Variants in FAAH2 observed in about 807,000 individuals in gnomAD.
FAAH2 encodes fatty acid amide hydrolase 2, also known as fatty-acid amide hydrolase 2.
A neutral mutation model predicts 36.9 loss-of-function variants in FAAH2; 60 were observed. The ratio of observed to expected loss-of-function variants is 1.63; its 90% CI spans 1.32 to 2.02. FAAH2 has a LOEUF of 2.02. Ranked by LOEUF, FAAH2 falls within the 30% of genes most tolerant of loss-of-function variation. The pLI, the probability that FAAH2 is intolerant of heterozygous loss-of-function variation, is 0.00. For synonymous variants in FAAH2, 214 were observed against 143.8 expected (o/e 1.49, Z -3.49); for missense variants, 689 against 397.5 (o/e 1.73, Z -6.23).
At chrX:57,265,088 C>T in the FAAH2 span, among the ~76,000 whole-genome samples, 1 of 111,462 alleles carries the variant, frequency 9.0e-6, no homozygotes. Flanking sequence ...CACACTTCTT[C>T]TATGGAGCTT....
the FAAH2 span, among the ~76,000 whole-genome samples, chrX:57,202,900 C>T: frequency 8.9e-6 from 1 of 111,843 alleles, no homozygotes; most frequent in Non-Finnish European, 1.9e-5. Context: ...ACTGAAAAGC[C>T]TCACCCCATC....
chrX:57,245,759 C>T, the FAAH2 span, among the ~76,000 whole-genome samples: 1 of 112,101 alleles, frequency 8.9e-6, no homozygotes, highest in Non-Finnish European at 1.9e-5. Flanking sequence ...CACTAAATGC[C>T]CACAAGAGAA....
chrX:57,372,305 A>T (rs1241616529), intron 5 of FAAH2, among the ~76,000 whole-genome samples: 1 of 111,034 alleles, frequency 9.0e-6, no homozygotes, highest in Non-Finnish European at 1.9e-5. Context: ...TCCTGCCAGC[A>T]TCTGTAATTT....
intron 4 of FAAH2, among the ~76,000 whole-genome samples, chrX:57,336,658 A>G (rs1157290700): frequency 8.9e-6 from 1 of 112,140 alleles, no homozygotes; most frequent in Non-Finnish European, 1.9e-5. Context: ...TGGGTAAATA[A>G]TGAAATTAAC....
intron 10 of FAAH2, among the ~76,000 whole-genome samples, chrX:57,485,447 C>T (rs758718301): frequency 4.5e-5 from 5 of 111,387 alleles, no homozygotes; most frequent in Non-Finnish European, 7.5e-5. Context: ...AGTTGTGTGG[C>T]ATGCAGCAAA....
chrX:57,222,108 C>T, the FAAH2 span, among the ~76,000 whole-genome samples: 3 of 111,552 alleles, frequency 2.7e-5, no homozygotes, highest in African/African-American at 9.8e-5. Context: ...AACCTGAGAG[C>T]TCACAACCGA....
At chrX:57,323,513 A>G (rs1339450037) in intron 3 of FAAH2, among the ~76,000 whole-genome samples, 1 of 111,237 alleles carries the variant, frequency 9.0e-6, no homozygotes, top group Admixed American at 9.6e-5. Flanking sequence ...TGACTTTTTA[A>G]TGATTGCCTT....
At chrX:57,443,412 G>T (rs1444312350) in intron 8 of FAAH2, among the ~76,000 whole-genome samples, 5 of 111,975 alleles carry the variant, frequency 4.5e-5, no homozygotes, top group Admixed American at 9.5e-5. Context: ...GCTACTGAAG[G>T]TTGTGCATTC....
At position 57,344,844 on chromosome X, in the gene FAAH2, A is replaced by G. The variant is rs189354637; in HGVS notation, c.742+3454A>G. On this transcript the variant is annotated intron_variant, in intron 5 of 10. Coordinates refer to ENST00000374900, the MANE Select transcript of FAAH2 (RefSeq NM_174912.4). ...TCTTTCTGAATCTATTGAGATGATT[A>G]TATCTTTTTTTGTTTTAAATTCTGT... Among the ~76,000 whole-genome samples, 46 of 111,501 alleles carry G rather than the reference A, an allele frequency of 4.1e-4. No individual in the cohort carries two copies. The East Asian group carries it at 0.012, about 30-fold the overall frequency.
the FAAH2 span, among the ~76,000 whole-genome samples, chrX:57,237,807 AAAAC>A: frequency 9.0e-6 from 1 of 111,711 alleles, no homozygotes; most frequent in South Asian, 3.7e-4. Context: ...CTACTAGATT[AAAAC>A]AAACAATCCC....
chrX:57,341,397 T>C lies in FAAH2; in HGVS notation c.742+7T>C. ...GGACACAAGCCTTCTCCAGGTAATG[T>C]TAATATGATCAGAAGGGTGGTTCTA... is the stretch of plus-strand genomic sequence containing the variant. On this transcript the variant is annotated splice_region_variant and intron_variant, in intron 5 of 10. Coordinates refer to ENST00000374900, the MANE Select transcript of FAAH2 (RefSeq NM_174912.4). 2 of 1,206,358 alleles carry C rather than the reference T, an allele frequency of 1.7e-6. No homozygotes were observed. The highest frequency in any genetic ancestry group is 2.2e-6 in the Non-Finnish European group (2 of 893,217).
At chrX:57,229,157 G>A in the FAAH2 span, 1 of 111,880 alleles carries the variant, frequency 8.9e-6, no homozygotes, top group Non-Finnish European at 1.9e-5. Flanking sequence ...CAGACAAAAG[G>A]GTGGAATGGT....
At chrX:57,313,761 A>G (rs2052759576) in intron 3 of FAAH2, among the ~76,000 whole-genome samples, 1 of 111,736 alleles carries the variant, frequency 8.9e-6, no homozygotes, top group African/African-American at 3.2e-5. Flanking sequence ...AGGAAGTGCT[A>G]AACATGAGTT....
At chrX:57,473,338 A>C (rs1243054441) in intron 10 of FAAH2, among the ~76,000 whole-genome samples, 1 of 111,288 alleles carries the variant, frequency 9.0e-6, no homozygotes, top group African/African-American at 3.3e-5. Context: ...CATAGTTTTG[A>C]GAGATTTTCT....
chrX:57,280,665 A>G, the FAAH2 span, among the ~76,000 whole-genome samples: 1 of 110,151 alleles, frequency 9.1e-6, no homozygotes, highest in Non-Finnish European at 1.9e-5. Flanking sequence ...AAAAAAAAAC[A>G]CTAAAAATGC....
At chrX:57,240,419 C>G in the FAAH2 span, among the ~76,000 whole-genome samples, 18 of 111,722 alleles carry the variant, frequency 1.6e-4, no homozygotes, top group African/African-American at 4.9e-4. Context: ...AAGGTGCTCC[C>G]TGTCTGGTGG....
At chrX:57,451,841 C>A (rs957527360) in intron 10 of FAAH2, among the ~76,000 whole-genome samples, 2 of 112,447 alleles carry the variant, frequency 1.8e-5, no homozygotes, top group Admixed American at 9.4e-5. Flanking sequence ...GCTTTCTTTG[C>A]ATAATGTCAC....
chrX:57,211,839 A>C, the FAAH2 span, among the ~76,000 whole-genome samples: 2 of 111,990 alleles, frequency 1.8e-5, no homozygotes, highest in Non-Finnish European at 3.8e-5. Flanking sequence ...TACAGAGTCT[A>C]TGCCACTGAA....
intron 4 of FAAH2, among the ~76,000 whole-genome samples, chrX:57,337,942 TAGGAAGAG>T (rs2053594938): frequency 9.0e-6 from 1 of 111,634 alleles, no homozygotes; most frequent in South Asian, 3.7e-4. Flanking sequence ...CATATTCAAA[TAGGAAGAG>T]AGGAAGTCAA....
Sources: allele counts gnomAD v4.1 joint callset (sites outside exome capture counted in the v4.1 genomes callset), GRCh38; gene constraint gnomAD v4.1.1; transcripts MANE v1.5; gene names NCBI Gene and HGNC (gene_info 2026-07-23, HGNC 2026-07-21).